Variants in CPZ observed in about 807,000 individuals in gnomAD.
CPZ encodes carboxypeptidase Z.
In CPZ, 103 loss-of-function variants were observed where a neutral mutation model predicts 61.8. The observed-to-expected ratio is 1.67, with a 90% CI of 1.42 to 1.96. The LOEUF is 1.96. CPZ is among the 30% of genes most tolerant of loss of function. The probability of loss-of-function intolerance (pLI) is 0.00; values close to 1 mark genes in which losing one functional copy is unlikely to be tolerated. For missense variants in CPZ, 1,461 were observed against 914.9 expected, an observed-to-expected ratio of 1.60 and a Z score of -7.70; for synonymous variants, 551 against 373.7, an observed-to-expected ratio of 1.47 and a Z score of -5.47.
At chr4:8,613,651 T>C (rs554561042) in intron 8 of CPZ, among the ~76,000 whole-genome samples, 1 of 152,322 alleles carries the variant, frequency 6.6e-6, no homozygotes, top group South Asian at 2.1e-4. Flanking sequence ...ATCCTAGGCC[T>C]GCCTTGGAGA....
chr4:8,617,188 T>C (rs951770804), intron 9 of CPZ, among the ~76,000 whole-genome samples: 1 of 151,940 alleles, frequency 6.6e-6, no homozygotes, highest in Non-Finnish European at 1.5e-5. Flanking sequence ...TCAGCCGCGG[T>C]GGGATTAGAG....
rs774371415 is a variant in CPZ at position 8,601,426 on chromosome 4, A to G, written c.425A>G (p.Tyr142Cys). The change falls in exon 3 of 11, where the codon TAC becomes TGC. Residue 142 changes from tyrosine to cysteine, a missense_variant. Transcript: ENST00000360986. ...GACGCCATTGACATGGCCTGGCCCTACTTCCTTGACTGCCACCGCTACTTC... is the reference window on the plus strand; with the variant it reads ...GACGCCATTGACATGGCCTGGCCCTGCTTCCTTGACTGCCACCGCTACTTC... ...AFDAIDMAWP[Y>C]FLDCHRYFTR... 1.3e-6 allele frequency: 2 copies of G among 1,563,430 alleles called. No individual in the cohort carries two copies. Among genetic ancestry groups the G allele is most frequent in the Non-Finnish European group, 1.7e-6 (2 of 1,153,320 alleles).
rs748757084 is a variant in CPZ at position 8,606,859 on chromosome 4, C to T, written c.1029C>T (p.Ser343=). The change falls in exon 6 of 11, where the codon AGC becomes AGT. Residue 343 remains serine (S), a synonymous_variant. Coordinates refer to ENST00000360986, the MANE Select transcript of CPZ (RefSeq NM_001014447.3). ...YRLAETRGAR[S]DHIPIPQHYW... ...TGGCGGAGACCCGCGGCGCACGCAG[C>T]GACCACATCCCCATCCCCCAGCACT... 206 of 1,613,072 alleles carry T rather than the reference C, an allele frequency of 1.3e-4. No homozygotes were observed. The highest frequency in any genetic ancestry group is 1.6e-4 in the Non-Finnish European group (184 of 1,179,786).
intron 7 of CPZ, among the ~76,000 whole-genome samples, chr4:8,609,247 C>T (rs1335160173): frequency 6.0e-5 from 9 of 149,950 alleles, no homozygotes; most frequent in Admixed American, 2.0e-4. Context: ...CTCATTCACT[C>T]ATCACTCACT....
intron 4 of CPZ, among the ~76,000 whole-genome samples, chr4:8,604,964 C>T (rs568085935): frequency 3.9e-5 from 6 of 152,224 alleles, no homozygotes; most frequent in Non-Finnish European, 5.9e-5. Context: ...CACACCCTGG[C>T]CCCCAAGGCT....
chr4:8,614,796 C>T (rs1475397782), intron 9 of CPZ, among the ~76,000 whole-genome samples: 2 of 152,108 alleles, frequency 1.3e-5, no homozygotes, highest in Non-Finnish European at 2.9e-5. Context: ...CTGGGCAGCC[C>T]GGCGAGGTGT....
intron 9 of CPZ, among the ~76,000 whole-genome samples, chr4:8,616,721 G>T (rs551838807): frequency 4.6e-5 from 7 of 152,178 alleles, no homozygotes; most frequent in African/African-American, 1.7e-4. Context: ...GTGGCTTCTC[G>T]AGCTGTCCAG....
intron 1 of CPZ, among the ~76,000 whole-genome samples, chr4:8,593,411 G>A (rs916333967): frequency 1.3e-5 from 2 of 152,224 alleles, no homozygotes; most frequent in Non-Finnish European, 1.5e-5. Context: ...CTGGGAGGGG[G>A]CGTGGGCCCC....
At chr4:8,609,191 C>CTCACTCCCTCAT (rs796163641) in intron 7 of CPZ, among the ~76,000 whole-genome samples, 3 of 123,806 alleles carry the variant, frequency 2.4e-5, no homozygotes, top group African/African-American at 2.7e-5. Flanking sequence ...CAGGCATTCA[C>CTCACTCCCTCAT]TCACTCCCTC....
In CPZ at chr4:8,617,985, G is replaced by A. The variant is rs1024917097; in HGVS notation, c.1504-444G>A. 5.7e-5 allele frequency: 11 copies of A among 193,616 alleles called. No individual in the cohort carries two copies. In the South Asian group the frequency reaches 6.5e-4, roughly 12 times the overall value. The allele number at this position is 193,616 out of a possible 1,614,324, so 12.0% of individuals were successfully genotyped here. Reference sequence around the variant, plus strand: ...TACACGTGTACGATGAAGAAACCGCGCTGCTCGAGCGAGGGTCCGAGCACT... The same window carrying A: ...TACACGTGTACGATGAAGAAACCGCACTGCTCGAGCGAGGGTCCGAGCACT... On this transcript the variant is annotated intron_variant, in intron 9 of 10. Coordinates refer to ENST00000360986, the MANE Select transcript of CPZ (RefSeq NM_001014447.3).
chr4:8,604,003 C>T lies in CPZ; in HGVS notation c.524C>T (p.Pro175Leu). 1.2e-6 allele frequency: 2 copies of T among 1,612,164 alleles called. No individual in the cohort carries two copies. The highest frequency in any genetic ancestry group is 1.7e-6 in the Non-Finnish European group (2 of 1,179,816). Residue 175 changes from proline (P) to leucine (L), a missense_variant, in exon 4 of 11, where the codon CCC becomes CTC. Coordinates refer to ENST00000360986, the MANE Select transcript of CPZ (RefSeq NM_001014447.3). Reference protein sequence around the residue: ...RGGLEADEALPSGLPPTFIRF... With the variant: ...RGGLEADEALLSGLPPTFIRF... The stretch of plus-strand genomic sequence containing the variant: ...GGCCTGGAGGCTGACGAGGCACTGC[C>T]CTCAGGGCTGCCGCCCACCTTCATC...
At chr4:8,602,325 T>C (rs1407755398) in intron 3 of CPZ, 2 of 152,278 alleles carry the variant, frequency 1.3e-5, no homozygotes, top group African/African-American at 4.8e-5. Flanking sequence ...AAAAGAAATG[T>C]TCTATTGTGT....
chr4:8,603,955 G>GC (rs751510690), intron 3 of CPZ, 21 bp from the exon 4 acceptor site: 47 of 1,607,554 alleles, frequency 2.9e-5, no homozygotes, highest in Middle Eastern at 1.6e-4. Flanking sequence ...CACTGACTGA[G>GC]CCCCCCCACT....
At chr4:8,608,092 C>T (rs1166611254) in intron 7 of CPZ, among the ~76,000 whole-genome samples, 1 of 151,770 alleles carries the variant, frequency 6.6e-6, no homozygotes, top group Admixed American at 6.6e-5. Context: ...GATAAGAAAG[C>T]GGAGGCTGAG....
intron 10 of CPZ, 41 bp downstream of exon 10, chr4:8,618,569 C>T (rs1484555668): frequency 5.7e-6 from 9 of 1,585,930 alleles, no homozygotes; most frequent in Non-Finnish European, 7.8e-6. Flanking sequence ...CCACGTCTGC[C>T]AAGGAAATGC....
At chr4:8,610,536 T>G (rs1170098982) in intron 7 of CPZ, among the ~76,000 whole-genome samples, 1 of 149,042 alleles carries the variant, frequency 6.7e-6, no homozygotes, top group Non-Finnish European at 1.5e-5. Context: ...TGTCCCACCC[T>G]CCTACCCCCC....
At chr4:8,613,824 G>C (rs1293790262) in intron 8 of CPZ, among the ~76,000 whole-genome samples, 1 of 152,242 alleles carries the variant, frequency 6.6e-6, no homozygotes, top group African/African-American at 2.4e-5. Flanking sequence ...GGGAGATGGA[G>C]CTAATAGGAC....
At chr4:8,617,924 A>G (rs1017031855) in intron 9 of CPZ, among the ~76,000 whole-genome samples, 1 of 152,046 alleles carries the variant, frequency 6.6e-6, no homozygotes, top group African/African-American at 2.4e-5. Flanking sequence ...AGTTCGTGCC[A>G]AGGCCAGGCA....
intron 7 of CPZ, among the ~76,000 whole-genome samples, chr4:8,610,433 G>T (rs1011132016): frequency 6.6e-6 from 1 of 152,150 alleles, no homozygotes; most frequent in Non-Finnish European, 1.5e-5. Context: ...CCCAGGGCAA[G>T]GGCAGGGAGG....
Sources: gnomAD v4.1 joint callset for allele counts (sites outside exome capture counted in the v4.1 genomes callset) on GRCh38, gnomAD v4.1.1 for gene constraint, MANE v1.5 for transcripts, NCBI Gene and HGNC (gene_info 2026-07-23, HGNC 2026-07-21) for gene names.